The following PRORP variants were observed in gnomAD, a reference collection of about 807,000 sequenced individuals.
PRORP encodes protein only RNase P catalytic subunit.
PRORP carries 51 observed loss-of-function variants against 59.4 expected under a neutral mutation model. The ratio of observed to expected loss-of-function variants is 0.86; its 90% CI spans 0.69 to 1.08. The LOEUF (loss-of-function observed/expected upper bound fraction) is 1.08, where lower values mean the gene tolerates loss of function less well. Ranked by LOEUF, PRORP falls within the 50% of genes least tolerant of loss-of-function variation. The pLI is 0.00. For synonymous variants in PRORP, 231 were observed against 245.6 expected (o/e 0.94, Z 0.55); for missense variants, 646 against 690.3 (o/e 0.94, Z 0.72).
At chr14:35,267,637 C>T (rs1014683135) in intron 6 of PRORP, among the ~76,000 whole-genome samples, 11 of 152,000 alleles carry the variant, frequency 7.2e-5, no homozygotes, top group Non-Finnish European at 1.0e-4. Context: ...AAAAATTAAC[C>T]GGGCATGGTG....
At chr14:35,128,995 G>A (rs1472722354) in intron 4 of PRORP, among the ~76,000 whole-genome samples, 2 of 150,568 alleles carry the variant, frequency 1.3e-5, no homozygotes, top group Admixed American at 6.6e-5. Context: ...TCAGGAGTTC[G>A]AGACCGGCCT....
chr14:35,145,611 TG>T (rs1473854236), intron 4 of PRORP, among the ~76,000 whole-genome samples: 2 of 139,136 alleles, frequency 1.4e-5, no homozygotes, highest in African/African-American at 5.0e-5. Context: ...TCCCAGCTAC[TG>T]AGGAGGCTGA....
At chr14:35,231,307 G>T (rs2050074609) in intron 5 of PRORP, among the ~76,000 whole-genome samples, 2 of 151,954 alleles carry the variant, frequency 1.3e-5, no homozygotes, top group South Asian at 4.1e-4. Flanking sequence ...TAAGTATCTT[G>T]TAACACTTTT....
chr14:35,246,100 C>A (rs963334618), intron 5 of PRORP, among the ~76,000 whole-genome samples: 1 of 152,098 alleles, frequency 6.6e-6, no homozygotes, highest in Non-Finnish European at 1.5e-5. Context: ...TGTATATGAT[C>A]TGCTTTATTC....
chr14:35,175,822 A>G (rs1243136196), intron 4 of PRORP, among the ~76,000 whole-genome samples: 4 of 152,168 alleles, frequency 2.6e-5, no homozygotes, highest in East Asian at 3.8e-4. Context: ...GCCCATGCCT[A>G]TGTCCTGAAT....
intron 4 of PRORP, among the ~76,000 whole-genome samples, chr14:35,163,288 TAA>T (rs1355764186): frequency 6.6e-6 from 1 of 152,110 alleles, no homozygotes; most frequent in Non-Finnish European, 1.5e-5. Context: ...AATGTATACA[TAA>T]AAAAATTATG....
chr14:35,237,019 CTCCTTCTCTTCCT>C (rs201173038), intron 5 of PRORP, among the ~76,000 whole-genome samples: 1,921 of 125,436 alleles, frequency 0.015, 52 homozygotes, highest in African/African-American at 0.049. Context: ...CCTTCCTTCC[CTCCTTCTCTTCCT>C]TCCTTCTCTT....
At chr14:35,179,638 T>C (rs965663707) in intron 4 of PRORP, among the ~76,000 whole-genome samples, 4 of 146,630 alleles carry the variant, frequency 2.7e-5, no homozygotes, top group Non-Finnish European at 6.0e-5. Flanking sequence ...TAGCCATTCA[T>C]CTAATCTTTT....
Position 35,151,061 on chromosome 14 carries a change from A to T in PRORP, c.1167+23450A>T, listed in dbSNP as rs577095518. Among the ~76,000 whole-genome samples the T allele has an allele frequency of 8.5e-5, 13 of 152,226 alleles. No individual in the cohort carries two copies. In the South Asian group the frequency reaches 2.7e-3, roughly 32 times the overall value. On this transcript the variant is annotated intron_variant, in intron 4 of 7. Coordinates refer to ENST00000534898, the MANE Select transcript of PRORP (RefSeq NM_014672.4). ...TTGGCTTGGAAACCAAGCCATTTTT[A>T]AATTAATTTTTATTTATGGGAAAAG...
At chr14:35,156,079 G>A (rs1446691584) in intron 4 of PRORP, among the ~76,000 whole-genome samples, 2 of 152,176 alleles carry the variant, frequency 1.3e-5, no homozygotes, top group East Asian at 3.8e-4. Flanking sequence ...TATAGCTGAA[G>A]AGGCAATGTG....
At chr14:35,165,113 G>T (rs868390962) in intron 4 of PRORP, among the ~76,000 whole-genome samples, 1 of 152,172 alleles carries the variant, frequency 6.6e-6, no homozygotes, top group South Asian at 2.1e-4. Context: ...TAGGCCCCGT[G>T]TGTAAACTAC....
intron 5 of PRORP, among the ~76,000 whole-genome samples, chr14:35,197,372 A>G (rs1209468619): frequency 6.6e-6 from 1 of 152,212 alleles, no homozygotes; most frequent in Non-Finnish European, 1.5e-5. Flanking sequence ...GTAAACAGCA[A>G]TTGCAGAGTG....
intron 7 of PRORP, among the ~76,000 whole-genome samples, chr14:35,271,042 A>G (rs560957659): frequency 2.6e-5 from 4 of 151,792 alleles, no homozygotes; most frequent in African/African-American, 9.6e-5. Flanking sequence ...AGCCGAGATC[A>G]CGCCACTGCA....
chr14:35,153,138 G>A (rs918212107), intron 4 of PRORP, among the ~76,000 whole-genome samples: 11 of 152,268 alleles, frequency 7.2e-5, no homozygotes, highest in Non-Finnish European at 1.6e-4. Context: ...TCTCAATCCC[G>A]GCACCTCGGG....
chr14:35,153,769 T>G (rs551112769), intron 4 of PRORP, among the ~76,000 whole-genome samples: 1 of 152,180 alleles, frequency 6.6e-6, no homozygotes, highest in Non-Finnish European at 1.5e-5. Context: ...CTGGAACATT[T>G]TGGTATATGT....
intron 5 of PRORP, among the ~76,000 whole-genome samples, chr14:35,223,827 T>G (rs187002483): frequency 1.1e-3 from 168 of 152,336 alleles, no homozygotes; most frequent in African/African-American, 3.9e-3. Flanking sequence ...GGCTAGTAGC[T>G]TATTTTCCAT....
In PRORP at chr14:35,195,147, C is replaced by T. The variant is rs140681393; in HGVS notation, c.1275+14370C>T. On this transcript the variant is annotated intron_variant, in intron 5 of 7. Transcript: ENST00000534898. ...CTAGGCCATACTCTTTTATGCCATA[C>T]GTGGGAATGTAAGTTAATTCAGCTT... Among the ~76,000 whole-genome samples, 23 of 152,114 alleles carry T rather than the reference C, an allele frequency of 1.5e-4. 1 individual carries two copies. The highest frequency in any genetic ancestry group is 3.4e-3 in the Middle Eastern group (1 of 294).
At chr14:35,130,919 C>T (rs773170009) in intron 4 of PRORP, among the ~76,000 whole-genome samples, 2 of 151,572 alleles carry the variant, frequency 1.3e-5, no homozygotes, top group Non-Finnish European at 2.9e-5. Flanking sequence ...GAATTATAGG[C>T]GTGAGTCACC....
intron 5 of PRORP, among the ~76,000 whole-genome samples, chr14:35,249,388 C>G (rs2050558931): frequency 6.6e-6 from 1 of 151,948 alleles, no homozygotes; most frequent in Non-Finnish European, 1.5e-5. Flanking sequence ...TCAAGACCAG[C>G]CTGGGCAACA....
Sources: allele counts gnomAD v4.1 joint callset (sites outside exome capture counted in the v4.1 genomes callset), GRCh38; gene constraint gnomAD v4.1.1; transcripts MANE v1.5; gene names NCBI Gene and HGNC (gene_info 2026-07-23, HGNC 2026-07-21).